UBE2Q2: variants seen among roughly 807,000 people sequenced by gnomAD.
The protein encoded by UBE2Q2 is ubiquitin-conjugating enzyme E2 Q2.
A neutral mutation model predicts 59.9 loss-of-function variants in UBE2Q2; 54 were observed. That is an observed-to-expected ratio of 0.90 (90% CI 0.72 to 1.13). The LOEUF is 1.13. Ranked by LOEUF, UBE2Q2 falls within the 50% of genes most tolerant of loss-of-function variation. The probability of loss-of-function intolerance (pLI) is 0.00; values close to 1 mark genes in which losing one functional copy is unlikely to be tolerated. For missense variants in UBE2Q2, 433 were observed against 441.9 expected, an observed-to-expected ratio of 0.98 and a Z score of 0.18; for synonymous variants, 165 against 155.2, an observed-to-expected ratio of 1.06 and a Z score of -0.47.
At chr15:75,891,929 T>G (rs1306322309) in intron 11 of UBE2Q2, among the ~76,000 whole-genome samples, 1 of 152,208 alleles carries the variant, frequency 6.6e-6, no homozygotes. Context: ...ACACAGTCTT[T>G]AGGGCAGCTT....
intron 2 of UBE2Q2, among the ~76,000 whole-genome samples, chr15:75,856,302 C>A (rs8040692): frequency 0.022 from 3,011 of 138,286 alleles, 109 homozygotes; most frequent in African/African-American, 0.084. Context: ...TAATGAATTT[C>A]AGTACAAATC....
chr15:75,848,121 T>G (rs1896449472), intron 1 of UBE2Q2, among the ~76,000 whole-genome samples: 1 of 152,136 alleles, frequency 6.6e-6, no homozygotes, highest in South Asian at 2.1e-4. Flanking sequence ...ATAGATAATA[T>G]TTTTTTGCAC....
At chr15:75,857,027 G>C (rs1293925984) in intron 2 of UBE2Q2, among the ~76,000 whole-genome samples, 2 of 152,184 alleles carry the variant, frequency 1.3e-5, no homozygotes, top group Non-Finnish European at 2.9e-5. Context: ...TTGGGAGGCT[G>C]AGGTGGGAGG....
chr15:75,880,586 C>T (rs897967085), intron 8 of UBE2Q2, among the ~76,000 whole-genome samples: 2 of 151,920 alleles, frequency 1.3e-5, no homozygotes, highest in African/African-American at 4.8e-5. Flanking sequence ...ACTGCAACCT[C>T]TGCCTCCCGG....
chr15:75,894,190 G>T lies in UBE2Q2; in HGVS notation c.1030-2805G>T, dbSNP rs1181016377. On this transcript the variant is annotated intron_variant, in intron 11 of 12. Coordinates refer to ENST00000267938, the MANE Select transcript of UBE2Q2 (RefSeq NM_173469.4). ...TCAGAGACTAAAGGAGAGCTCAGAGGAATGTTCATTGCCAAATCCTTGTGC... is the reference window on the plus strand; with the variant it reads ...TCAGAGACTAAAGGAGAGCTCAGAGTAATGTTCATTGCCAAATCCTTGTGC... Among the ~76,000 whole-genome samples, 6 of 152,268 alleles carry T rather than the reference G, an allele frequency of 3.9e-5. No homozygotes were observed. In the East Asian group the frequency reaches 1.2e-3, roughly 29 times the overall value.
chr15:75,879,204 C>T lies in UBE2Q2; in HGVS notation c.825+16C>T, dbSNP rs1380325787. On this transcript the variant is annotated intron_variant, in intron 8 of 12. Coordinates refer to ENST00000267938, the MANE Select transcript of UBE2Q2 (RefSeq NM_173469.4). ...CTCTTTTAAGGTAAGAAAATAGTTA[C>T]AGGACCCCATATACTTCCAGTGGGG... The T allele has an allele frequency of 2.0e-6, 3 of 1,493,436 alleles. No individual in the cohort carries two copies. The highest frequency in any genetic ancestry group is 2.8e-6 in the Non-Finnish European group (3 of 1,089,964). 92.5% of individuals were successfully genotyped at this position (1,493,436 alleles called of 1,614,324 possible).
intron 5 of UBE2Q2, 148 bp downstream of exon 5, chr15:75,873,716 AGGGT>A: frequency 1.1e-6 from 1 of 915,136 alleles, no homozygotes; most frequent in Non-Finnish European, 1.6e-6. Context: ...GTTTTAAAAC[AGGGT>A]CTTGCTCTGT....
At chr15:75,878,600 TAAAAAAAA>T (rs142315305) in intron 7 of UBE2Q2, among the ~76,000 whole-genome samples, 4,391 of 86,028 alleles carry the variant, frequency 0.051, 166 homozygotes, top group African/African-American at 0.12. Flanking sequence ...CCCGGTCTCT[TAAAAAAAA>T]AAAAAAAAAA....
intron 11 of UBE2Q2, among the ~76,000 whole-genome samples, chr15:75,894,292 G>A (rs1899270381): frequency 6.6e-6 from 1 of 152,092 alleles, no homozygotes; most frequent in African/African-American, 2.4e-5. Flanking sequence ...AGGAGGCCAG[G>A]GACAGTGGCT....
intron 1 of UBE2Q2, among the ~76,000 whole-genome samples, chr15:75,845,549 A>T (rs1896301172): frequency 6.6e-6 from 1 of 152,178 alleles, no homozygotes; most frequent in Non-Finnish European, 1.5e-5. Context: ...CTGAATTTGT[A>T]GGCTGTGGGG....
chr15:75,891,604 A>G (rs1332404385), intron 11 of UBE2Q2, among the ~76,000 whole-genome samples: 1 of 152,106 alleles, frequency 6.6e-6, no homozygotes, highest in African/African-American at 2.4e-5. Flanking sequence ...TAGTTAGATA[A>G]CTTGTCTGAG....
intron 8 of UBE2Q2, 40 bp from the exon 9 acceptor site, chr15:75,883,326 T>A (rs549347076): frequency 3.3e-6 from 5 of 1,535,046 alleles, no homozygotes; most frequent in Non-Finnish European, 4.5e-6. Context: ...ACACTAAGGA[T>A]GTTCTTTAAA....
chr15:75,843,855 C>G lies in UBE2Q2; in HGVS notation c.180+9C>G. The G allele has an allele frequency of 1.3e-6, 2 of 1,547,666 alleles. No individual in the cohort carries two copies. Among genetic ancestry groups the G allele is most frequent in the Non-Finnish European group, 8.7e-7 (1 of 1,147,696 alleles). The stretch of plus-strand genomic sequence containing the variant: ...TCCACTGCAACATCACGGTGAGGCG[C>G]CCGGCCGCGGCCCCGCGGGGCAGGG... On this transcript the variant is annotated intron_variant, in intron 1 of 12. Coordinates refer to ENST00000267938, the MANE Select transcript of UBE2Q2 (RefSeq NM_173469.4).
chr15:75,876,227 T>G lies in UBE2Q2; in HGVS notation c.629T>G (p.Met210Arg), dbSNP rs775859186. ...SGSVQASDRLMKELRDIYRSQ... is the reference protein window; with the variant it reads ...SGSVQASDRLRKELRDIYRSQ... ...TCAGTGCAAGCTTCAGATAGACTTA[T>G]GAAAGAGCTCAGGGACATATACAGA... The change falls in exon 6 of 13, where the codon ATG (methionine) becomes AGG (arginine). Residue 210 changes from methionine to arginine, a missense_variant. Met to Arg is a moderately conservative substitution (Grantham distance 91, BLOSUM62 -1). Transcript: ENST00000267938. The G allele has an allele frequency of 1.2e-6, 2 of 1,614,038 alleles. No homozygotes were observed. The highest frequency in any genetic ancestry group is 1.7e-6 in the Non-Finnish European group (2 of 1,179,946).
At chr15:75,891,208 TA>T in intron 11 of UBE2Q2, among the ~76,000 whole-genome samples, 194 bp downstream of exon 11, 1 of 152,190 alleles carries the variant, frequency 6.6e-6, no homozygotes, top group East Asian at 1.9e-4. Context: ...GATAATCACT[TA>T]ATGATTTCGT....
intron 1 of UBE2Q2, among the ~76,000 whole-genome samples, chr15:75,848,785 A>G (rs1463047630): frequency 6.6e-6 from 1 of 152,188 alleles, no homozygotes. Flanking sequence ...AATGTCAAGC[A>G]TGACTGGAGA....
rs554875040 is a variant in UBE2Q2 at position 75,853,208 on chromosome 15, A to G, written c.181-1178A>G. 1.0e-3 allele frequency among the ~76,000 whole-genome samples: 159 copies of G among 152,356 alleles called. 1 individual carries two copies. Among genetic ancestry groups the G allele is most frequent in the African/African-American group, 3.6e-3 (149 of 41,580 alleles). On this transcript the variant is annotated intron_variant, in intron 1 of 12. Coordinates refer to ENST00000267938, the MANE Select transcript of UBE2Q2 (RefSeq NM_173469.4). Reference sequence around the variant, plus strand: ...AGATATGGGCCTGGCTTAGTGGCTCACGCCTGTAATCCCAGCACTTTGGGA... The same window carrying G: ...AGATATGGGCCTGGCTTAGTGGCTCGCGCCTGTAATCCCAGCACTTTGGGA...
In UBE2Q2 at chr15:75,844,611, A is replaced by G. The variant is rs1896226853; in HGVS notation, c.180+765A>G. ...TCACGTATGTCACAAAGCCGAAAAG[A>G]CACTTTTAAAAACTCACTCATTAAG... On this transcript the variant is annotated intron_variant, in intron 1 of 12. Transcript: ENST00000267938. 5 of 1,116,368 alleles carry G rather than the reference A, an allele frequency of 4.5e-6. No homozygotes were observed. The Admixed American group carries it at 1.4e-4, about 32-fold the overall frequency. The allele number at this position is 1,116,368 out of a possible 1,614,324, so 69.2% of individuals were successfully genotyped here.
chr15:75,873,650 C>T, intron 5 of UBE2Q2, 82 bp downstream of exon 5: 1 of 1,434,880 alleles, frequency 7.0e-7, no homozygotes, highest in Non-Finnish European at 9.5e-7. Context: ...TTAACATGCC[C>T]ATCTCAGCTG....
Sources: allele counts gnomAD v4.1 joint callset (sites outside exome capture counted in the v4.1 genomes callset), GRCh38; gene constraint gnomAD v4.1.1; transcripts MANE v1.5; gene names NCBI Gene and HGNC (gene_info 2026-07-23, HGNC 2026-07-21).